The following RAB3C variants were observed in gnomAD, a reference collection of about 807,000 sequenced individuals.
RAB3C encodes the protein ras-related protein Rab-3C.
A neutral mutation model predicts 26.4 loss-of-function variants in RAB3C; 17 were observed. That is an observed-to-expected ratio of 0.64 (90% CI 0.44 to 0.97). The LOEUF (loss-of-function observed/expected upper bound fraction) is 0.97, where lower values mean the gene tolerates loss of function less well. Among genes scored for constraint, RAB3C ranks in the 50% least tolerant of loss-of-function variants. RAB3C has a pLI of 0.00. For synonymous variants in RAB3C, 91 were observed against 95.9 expected, an observed-to-expected ratio of 0.95 and a Z score of 0.30; for missense variants, 242 against 281.9, an observed-to-expected ratio of 0.86 and a Z score of 1.01.
chr5:58,832,465 C>A (rs1344001469), intron 4 of RAB3C, among the ~76,000 whole-genome samples: 1 of 152,108 alleles, frequency 6.6e-6, no homozygotes, highest in East Asian at 1.9e-4. Flanking sequence ...CTAATGTATT[C>A]ATTTATTCAG....
chr5:58,792,317 A>G (rs1043689704), intron 3 of RAB3C, among the ~76,000 whole-genome samples: 1 of 152,218 alleles, frequency 6.6e-6, no homozygotes, highest in Non-Finnish European at 1.5e-5. Context: ...GCTTCCAGGC[A>G]CCTAACAATA....
At chr5:58,711,149 C>T (rs958648110) in intron 2 of RAB3C, among the ~76,000 whole-genome samples, 7 of 152,090 alleles carry the variant, frequency 4.6e-5, no homozygotes, top group East Asian at 1.9e-4. Context: ...GCATGGAGAG[C>T]GAAAAGGAGA....
intron 3 of RAB3C, among the ~76,000 whole-genome samples, chr5:58,727,315 C>T (rs1423664250): frequency 6.6e-6 from 1 of 151,612 alleles, no homozygotes; most frequent in Non-Finnish European, 1.5e-5. Context: ...GAAATAATAC[C>T]ATTGGCAATA....
At chr5:58,602,617 C>G (rs145467383) in intron 1 of RAB3C, among the ~76,000 whole-genome samples, 1 of 151,960 alleles carries the variant, frequency 6.6e-6, no homozygotes, top group Non-Finnish European at 1.5e-5. Flanking sequence ...CTCTTTTAAC[C>G]ACTGTTGCTT....
At chr5:58,774,576 AG>A (rs1742087854) in intron 3 of RAB3C, among the ~76,000 whole-genome samples, 6 of 152,150 alleles carry the variant, frequency 3.9e-5, no homozygotes, top group Admixed American at 3.9e-4. Context: ...TAAGGTAATG[AG>A]GGATACAAAT....
At chr5:58,762,424 G>A (rs1282310717) in intron 3 of RAB3C, among the ~76,000 whole-genome samples, 1 of 152,144 alleles carries the variant, frequency 6.6e-6, no homozygotes, top group Non-Finnish European at 1.5e-5. Flanking sequence ...CTGGTGCTGT[G>A]GCTCACACCT....
At chr5:58,816,043 C>T (rs1377582231) in intron 3 of RAB3C, among the ~76,000 whole-genome samples, 1 of 152,090 alleles carries the variant, frequency 6.6e-6, no homozygotes, top group Non-Finnish European at 1.5e-5. Flanking sequence ...TAAACTGGCT[C>T]TTTGAAAAAA....
At chr5:58,816,538 G>A (rs1743221801) in intron 3 of RAB3C, among the ~76,000 whole-genome samples, 1 of 152,176 alleles carries the variant, frequency 6.6e-6, no homozygotes, top group Non-Finnish European at 1.5e-5. Flanking sequence ...CTGACAGTTG[G>A]AAGTCAGCCA....
intron 2 of RAB3C, among the ~76,000 whole-genome samples, chr5:58,656,125 A>T (rs1038865429): frequency 6.6e-6 from 1 of 152,120 alleles, no homozygotes; most frequent in Non-Finnish European, 1.5e-5. Context: ...GGCACACCAA[A>T]CAAAGAGACT....
intron 3 of RAB3C, among the ~76,000 whole-genome samples, chr5:58,729,913 TTATA>T (rs566791089): frequency 3.4e-5 from 5 of 146,940 alleles, no homozygotes; most frequent in Non-Finnish European, 7.5e-5. Flanking sequence ...TATATTTATA[TTATA>T]TATATACACA....
At chr5:58,590,431 A>G (rs553636281) in intron 1 of RAB3C, among the ~76,000 whole-genome samples, 1 of 151,892 alleles carries the variant, frequency 6.6e-6, no homozygotes, top group Non-Finnish European at 1.5e-5. Context: ...TTTGTATTTT[A>G]TTGATTTTAG....
intron 4 of RAB3C, among the ~76,000 whole-genome samples, chr5:58,845,725 A>T: frequency 6.6e-6 from 1 of 150,952 alleles, no homozygotes; most frequent in East Asian, 1.9e-4. Context: ...ATACCATAAA[A>T]TTCACCCATT....
At chr5:58,666,591 A>G (rs970242127) in intron 2 of RAB3C, among the ~76,000 whole-genome samples, 2 of 152,172 alleles carry the variant, frequency 1.3e-5, no homozygotes, top group Non-Finnish European at 2.9e-5. Flanking sequence ...CTCCCAAACA[A>G]TGGTGGTTCA....
chr5:58,690,608 T>G (rs962501415), intron 2 of RAB3C, among the ~76,000 whole-genome samples: 1 of 152,186 alleles, frequency 6.6e-6, no homozygotes, highest in African/African-American at 2.4e-5. Context: ...TCTGTCTCTC[T>G]GTATCTTTTC....
rs548437494 is a variant in RAB3C at position 58,710,079 on chromosome 5, G to A, written c.253-15923G>A. ...CATTTCCCAAATGCCAGACAAATAGGCTTAATATTTTTTACCAAGTTAACC... is the reference window on the plus strand; with the variant it reads ...CATTTCCCAAATGCCAGACAAATAGACTTAATATTTTTTACCAAGTTAACC... On this transcript the variant is annotated intron_variant, in intron 2 of 4. Transcript: ENST00000282878. Among the ~76,000 whole-genome samples the A allele has an allele frequency of 4.1e-4, 62 of 152,170 alleles. 2 individuals carry two copies. Among genetic ancestry groups the A allele is most frequent in the Admixed American group, 3.9e-3 (59 of 15,280 alleles).
intron 3 of RAB3C, among the ~76,000 whole-genome samples, chr5:58,800,405 A>T (rs537486460): frequency 6.6e-6 from 1 of 152,318 alleles, no homozygotes; most frequent in East Asian, 1.9e-4. Flanking sequence ...TTTGTTCTTT[A>T]TAGAACAGGA....
At chr5:58,685,843 A>G (rs1429001050) in intron 2 of RAB3C, among the ~76,000 whole-genome samples, 1 of 152,146 alleles carries the variant, frequency 6.6e-6, no homozygotes, top group Non-Finnish European at 1.5e-5. Context: ...AGGCACATGG[A>G]AAAAACGTAG....
At chr5:58,828,202 G>C (rs182783605) in intron 4 of RAB3C, among the ~76,000 whole-genome samples, 12 of 152,322 alleles carry the variant, frequency 7.9e-5, no homozygotes, top group Admixed American at 3.3e-4. Flanking sequence ...GGAATGCAAT[G>C]ACAAATAACC....
chr5:58,752,216 C>T (rs1286464958), intron 3 of RAB3C, among the ~76,000 whole-genome samples: 1 of 152,074 alleles, frequency 6.6e-6, no homozygotes, highest in East Asian at 1.9e-4. Context: ...AGCAGTATCC[C>T]CTACCAGAAG....
Sources: gnomAD v4.1 joint callset for allele counts (sites outside exome capture counted in the v4.1 genomes callset) on GRCh38, gnomAD v4.1.1 for gene constraint, MANE v1.5 for transcripts, NCBI Gene and HGNC (gene_info 2026-07-23, HGNC 2026-07-21) for gene names.